TMEM132D: variants seen among roughly 807,000 people sequenced by gnomAD.
The protein encoded by TMEM132D is mature OL transmembrane protein.
Under a neutral mutation model 62.3 loss-of-function variants are expected in TMEM132D, and 21 were observed. The observed-to-expected ratio is 0.34, with a 90% confidence interval of 0.24 to 0.49. The LOEUF (loss-of-function observed/expected upper bound fraction) is 0.49. TMEM132D is among the 20% of genes least tolerant of loss of function. The pLI, the probability that TMEM132D is intolerant of heterozygous loss-of-function variation, is 0.99. For synonymous variants in TMEM132D, 621 were observed against 575.6 expected, an observed-to-expected ratio of 1.08 and a Z score of -1.13; for missense variants, 1,346 against 1,402.8, an observed-to-expected ratio of 0.96 and a Z score of 0.65.
chr12:129,233,830 A>G (rs1389750360), intron 4 of TMEM132D, among the ~76,000 whole-genome samples: 1 of 151,832 alleles, frequency 6.6e-6, no homozygotes, highest in African/African-American at 2.4e-5. Flanking sequence ...TATTTTTTAC[A>G]CGATTGGGTC....
At chr12:129,494,667 C>T (rs1420862024) in intron 3 of TMEM132D, among the ~76,000 whole-genome samples, 1 of 151,888 alleles carries the variant, frequency 6.6e-6, no homozygotes, top group Non-Finnish European at 1.5e-5. Flanking sequence ...TAGTAATTAC[C>T]ATCTCCCCTC....
At chr12:129,800,032 G>A (rs117838168) in intron 1 of TMEM132D, among the ~76,000 whole-genome samples, 1 of 152,268 alleles carries the variant, frequency 6.6e-6, no homozygotes, top group East Asian at 1.9e-4. Flanking sequence ...CTTTAGAGCT[G>A]AAAATGTCCT....
intron 1 of TMEM132D, among the ~76,000 whole-genome samples, 195 bp from the exon 2 acceptor site, chr12:129,700,893 A>G (rs776103237): frequency 6.6e-6 from 1 of 152,194 alleles, no homozygotes; most frequent in East Asian, 1.9e-4. Context: ...CCACCAACCT[A>G]AGTAGAAAAC....
chr12:129,454,632 C>G (rs999671261), intron 3 of TMEM132D, among the ~76,000 whole-genome samples: 6 of 152,220 alleles, frequency 3.9e-5, no homozygotes, highest in Non-Finnish European at 8.8e-5. Context: ...GCTTAAGAAG[C>G]CTTGCATTTG....
intron 2 of TMEM132D, 105 bp downstream of exon 2, chr12:129,699,705 G>A: frequency 1.4e-6 from 2 of 1,413,206 alleles, no homozygotes; most frequent in East Asian, 2.3e-5. Context: ...GGGAAGGCCG[G>A]CTCTACTTCG....
chr12:129,308,617 G>T (rs1251255550), intron 4 of TMEM132D, among the ~76,000 whole-genome samples: 1 of 151,956 alleles, frequency 6.6e-6, no homozygotes, highest in Non-Finnish European at 1.5e-5. Flanking sequence ...TGAATATAGA[G>T]GCAAAATAAA....
intron 3 of TMEM132D, 97 bp from the exon 4 acceptor site, chr12:129,337,914 C>T (rs912151901): frequency 2.3e-6 from 3 of 1,287,804 alleles, no homozygotes; most frequent in Non-Finnish European, 3.2e-6. Flanking sequence ...TCTCTATGTA[C>T]CTCCACATGG....
chr12:129,825,426 C>T (rs1240063612), intron 1 of TMEM132D, among the ~76,000 whole-genome samples: 3 of 152,112 alleles, frequency 2.0e-5, no homozygotes, highest in Admixed American at 6.6e-5. Context: ...CGCTGCTATC[C>T]CTCATTTACT....
chr12:129,778,703 T>C (rs1264040536), intron 1 of TMEM132D, among the ~76,000 whole-genome samples: 1 of 152,234 alleles, frequency 6.6e-6, no homozygotes. Flanking sequence ...GACCCCGGCA[T>C]GGTTGTATTT....
In TMEM132D at chr12:129,690,115, T is replaced by A. The variant is rs77127427; in HGVS notation, c.968+9695A>T. ...CGGGAAAACTCAGTTGTAAGTTACCTGTGCTACATGGGAAGTATTACAGTG... is the reference window on the plus strand; with the variant it reads ...CGGGAAAACTCAGTTGTAAGTTACCAGTGCTACATGGGAAGTATTACAGTG... On this transcript the variant is annotated intron_variant, in intron 2 of 8. Coordinates refer to ENST00000422113, the MANE Select transcript of TMEM132D (RefSeq NM_133448.3). Among the ~76,000 whole-genome samples, 1,184 of 152,314 alleles carry A rather than the reference T, an allele frequency of 7.8e-3. 15 individuals carry two copies. The highest frequency in any genetic ancestry group is 0.027 in the African/African-American group (1,120 of 41,564).
chr12:129,084,574 A>C lies in TMEM132D; in HGVS notation c.1572T>G (p.Leu524=). 1 of 1,614,082 alleles carries C rather than the reference A, an allele frequency of 6.2e-7. No homozygotes were observed. The highest frequency in any genetic ancestry group is 1.1e-5 in the South Asian group (1 of 91,070). ...TGTCGGAGACCTCGATCTGCAGCGG[A>C]AGCCGGGGCACCCACACCGTCATCT... ...PLEMTVWVPR[L]PLQIEVSDTE... Residue 524 remains leucine, a synonymous_variant, in exon 6 of 9, where the codon CTT becomes CTG. Transcript: ENST00000422113.
intron 2 of TMEM132D, among the ~76,000 whole-genome samples, chr12:129,674,567 C>T (rs1880583025): frequency 6.6e-6 from 1 of 152,068 alleles, no homozygotes; most frequent in South Asian, 2.1e-4. Context: ...GAGACAGAGT[C>T]TCAAAACAGT....
Position 129,256,702 on chromosome 12 carries a change from G to A in TMEM132D, c.1300-47039C>T, listed in dbSNP as rs190288694. 2.5e-3 allele frequency among the ~76,000 whole-genome samples: 376 copies of A among 152,174 alleles called. 2 individuals are homozygous for A. Among genetic ancestry groups the A allele is most frequent in the Middle Eastern group, 6.8e-3 (2 of 294 alleles). On this transcript the variant is annotated intron_variant, in intron 4 of 8. Transcript: ENST00000422113. Reference sequence around the variant, plus strand: ...CTCCCAAAGTGCTGGGATTACAGGCGTGCACCATCACGTCTAGCTAATTTT... The same window carrying A: ...CTCCCAAAGTGCTGGGATTACAGGCATGCACCATCACGTCTAGCTAATTTT...
intron 4 of TMEM132D, among the ~76,000 whole-genome samples, chr12:129,329,601 C>T (rs145815121): frequency 2.0e-5 from 3 of 152,292 alleles, no homozygotes; most frequent in Non-Finnish European, 2.9e-5. Context: ...TGTCACCACA[C>T]ATTACTTGTA....
At position 129,097,285 on chromosome 12, in the gene TMEM132D, C is replaced by T. The variant is rs1170344852; in HGVS notation, c.1444-12583G>A. 4.6e-5 allele frequency among the ~76,000 whole-genome samples: 7 copies of T among 152,362 alleles called. No homozygotes were observed. The East Asian group carries it at 5.8e-4, about 13-fold the overall frequency. On this transcript the variant is annotated intron_variant, in intron 5 of 8. Coordinates refer to ENST00000422113, the MANE Select transcript of TMEM132D (RefSeq NM_133448.3). ...AACCCCTGGGCGGCAAGAGCACCCC[C>T]GGTTGAGAACCAGTATTCTCAGCCC...
intron 4 of TMEM132D, among the ~76,000 whole-genome samples, chr12:129,236,104 TTGTGTGTG>T (rs71072452): frequency 3.4e-5 from 5 of 146,898 alleles, no homozygotes; most frequent in African/African-American, 1.3e-4. Context: ...TGATGCTATT[TTGTGTGTG>T]TGTGTGTGTG....
chr12:129,120,628 A>G (rs1834265807), intron 5 of TMEM132D, among the ~76,000 whole-genome samples: 1 of 152,192 alleles, frequency 6.6e-6, no homozygotes, highest in Non-Finnish European at 1.5e-5. Context: ...TCAAACAAAA[A>G]AGGATATTAA....
chr12:129,561,381 G>T (rs1307166924), intron 2 of TMEM132D, among the ~76,000 whole-genome samples: 1 of 152,146 alleles, frequency 6.6e-6, no homozygotes, highest in African/African-American at 2.4e-5. Flanking sequence ...AGAGACCAAT[G>T]TATGTTCTCC....
At chr12:129,293,208 G>T (rs142472783) in intron 4 of TMEM132D, among the ~76,000 whole-genome samples, 1 of 152,288 alleles carries the variant, frequency 6.6e-6, no homozygotes, top group African/African-American at 2.4e-5. Flanking sequence ...GTAGCCCCAA[G>T]AGCCTCTGGA....
Sources: allele counts gnomAD v4.1 joint callset (sites outside exome capture counted in the v4.1 genomes callset), GRCh38; gene constraint gnomAD v4.1.1; transcripts MANE v1.5; gene names NCBI Gene and HGNC (gene_info 2026-07-23, HGNC 2026-07-21).